The following RARB variants were observed in gnomAD, a reference collection of about 807,000 sequenced individuals.
RARB encodes retinoic acid receptor beta.
A neutral mutation model predicts 51.9 loss-of-function variants in RARB; 17 were observed. The observed-to-expected ratio is 0.33, with a 90% CI of 0.22 to 0.49. The LOEUF (loss-of-function observed/expected upper bound fraction) is 0.49, where lower values mean the gene tolerates loss of function less well. RARB is among the 20% of genes least tolerant of loss of function. RARB has a pLI of 0.99. For missense variants in RARB, 369 were observed against 550.8 expected (o/e 0.67, Z 3.30); for synonymous variants, 215 against 195.4 (o/e 1.10, Z -0.84).
chr3:25,389,312 G>A (rs1420675342), intron 5 of RARB, among the ~76,000 whole-genome samples: 1 of 152,130 alleles, frequency 6.6e-6, no homozygotes, highest in Non-Finnish European at 1.5e-5. Context: ...GTACATTGCT[G>A]TGGGTATTGT....
intron 5 of RARB, among the ~76,000 whole-genome samples, chr3:25,210,882 C>G (rs1428414825): frequency 6.6e-6 from 1 of 151,986 alleles, no homozygotes; most frequent in African/African-American, 2.4e-5. Flanking sequence ...TTGCTCTAGA[C>G]CTACCACATA....
At chr3:25,147,807 G>A (rs1700218847) in intron 4 of RARB, among the ~76,000 whole-genome samples, 1 of 152,216 alleles carries the variant, frequency 6.6e-6, no homozygotes, top group Non-Finnish European at 1.5e-5. Context: ...TCTAGCCAAT[G>A]AGACTTAAGC....
intron 3 of RARB, among the ~76,000 whole-genome samples, chr3:25,564,048 T>C (rs1700383109): frequency 6.6e-6 from 1 of 152,056 alleles, no homozygotes; most frequent in Non-Finnish European, 1.5e-5. Context: ...GTTTCCTGCA[T>C]TAAATTTTTA....
chr3:25,451,314 C>T (rs763115958), intron 1 of RARB, among the ~76,000 whole-genome samples: 2 of 152,206 alleles, frequency 1.3e-5, no homozygotes, highest in Non-Finnish European at 2.9e-5. Context: ...AGAAATAAAA[C>T]TCTATGGCCA....
chr3:25,280,194 G>C (rs1575279669), intron 5 of RARB, among the ~76,000 whole-genome samples: 1 of 152,024 alleles, frequency 6.6e-6, no homozygotes, highest in African/African-American at 2.4e-5. Context: ...AGGACAAGAG[G>C]GTATAATCTA....
At chr3:25,012,495 C>T (rs1331463198) in intron 2 of RARB, among the ~76,000 whole-genome samples, 1 of 152,084 alleles carries the variant, frequency 6.6e-6, no homozygotes, top group Non-Finnish European at 1.5e-5. Flanking sequence ...TTCCTCAGGA[C>T]TGTCAGCTCC....
At chr3:25,028,008 T>G (rs1413048911) in intron 2 of RARB, among the ~76,000 whole-genome samples, 3 of 152,158 alleles carry the variant, frequency 2.0e-5, no homozygotes, top group African/African-American at 7.2e-5. Flanking sequence ...AAATATGCCT[T>G]CCTAACCATT....
At chr3:24,856,168 C>A (rs1441079586) in intron 1 of RARB, among the ~76,000 whole-genome samples, 1 of 151,906 alleles carries the variant, frequency 6.6e-6, no homozygotes, top group Non-Finnish European at 1.5e-5. Context: ...TTTGAAATGC[C>A]CTAGCAGTGG....
At chr3:24,893,138 T>C (rs1007293517) in intron 2 of RARB, among the ~76,000 whole-genome samples, 2 of 152,224 alleles carry the variant, frequency 1.3e-5, no homozygotes, top group Non-Finnish European at 2.9e-5. Flanking sequence ...CACCTGCTAA[T>C]TGACAATTTT....
intron 2 of RARB, among the ~76,000 whole-genome samples, chr3:24,925,056 A>G (rs2125389516): frequency 6.6e-6 from 1 of 152,196 alleles, no homozygotes; most frequent in East Asian, 1.9e-4. Context: ...AGCACATGGT[A>G]ACGAAAGGCA....
At chr3:25,309,609 T>C (rs1704240665) in intron 5 of RARB, among the ~76,000 whole-genome samples, 1 of 145,568 alleles carries the variant, frequency 6.9e-6, no homozygotes, top group Admixed American at 7.1e-5. Context: ...GCAATTCACC[T>C]GCCTCAACCT....
intron 5 of RARB, chr3:25,345,901 C>T: frequency 1.1e-6 from 1 of 897,810 alleles, no homozygotes; most frequent in Non-Finnish European, 1.3e-6. Flanking sequence ...TATCACATGT[C>T]AGTTTAAAAA....
intron 2 of RARB, among the ~76,000 whole-genome samples, chr3:24,924,026 G>A (rs776228604): frequency 3.0e-4 from 46 of 152,172 alleles, no homozygotes; most frequent in Non-Finnish European, 5.4e-4. Context: ...GTTCAAGTAT[G>A]CAATTTAGTG....
intron 2 of RARB, among the ~76,000 whole-genome samples, chr3:24,894,404 T>G (rs1346494283): frequency 6.6e-6 from 1 of 152,100 alleles, no homozygotes; most frequent in Non-Finnish European, 1.5e-5. Context: ...CTTAGGATAA[T>G]GACCTCCAGC....
chr3:24,893,601 T>G (rs1266214851), intron 2 of RARB, among the ~76,000 whole-genome samples: 1 of 152,182 alleles, frequency 6.6e-6, no homozygotes, highest in African/African-American at 2.4e-5. Context: ...CACTGCAACC[T>G]CATACTCCAG....
At chr3:25,312,880 C>T (rs1250745316) in intron 5 of RARB, among the ~76,000 whole-genome samples, 2 of 152,130 alleles carry the variant, frequency 1.3e-5, no homozygotes, top group Non-Finnish European at 2.9e-5. Context: ...TCCCTGTTGC[C>T]GCCAGTCCTG....
chr3:25,054,489 C>T (rs926514969), intron 2 of RARB, among the ~76,000 whole-genome samples: 28 of 152,136 alleles, frequency 1.8e-4, no homozygotes, highest in African/African-American at 6.5e-4. Flanking sequence ...TGGTGTGAAC[C>T]ATGATCTCAC....
chr3:24,877,756 C>G (rs1235397755), intron 2 of RARB, among the ~76,000 whole-genome samples: 1 of 152,132 alleles, frequency 6.6e-6, no homozygotes, highest in Non-Finnish European at 1.5e-5. Flanking sequence ...GGGAAAAAGA[C>G]TGACAGGTAG....
At chr3:24,924,556 G>A (rs762041640) in intron 2 of RARB, among the ~76,000 whole-genome samples, 5 of 152,100 alleles carry the variant, frequency 3.3e-5, no homozygotes, top group Non-Finnish European at 4.4e-5. Context: ...AGATGAGTGT[G>A]ACTAATAGAT....
Sources: allele counts gnomAD v4.1 joint callset (sites outside exome capture counted in the v4.1 genomes callset), GRCh38; gene constraint gnomAD v4.1.1; transcripts MANE v1.5; gene names NCBI Gene and HGNC (gene_info 2026-07-23, HGNC 2026-07-21).